Variants in FBLN2 observed in about 807,000 individuals in gnomAD.
FBLN2 encodes fibulin-2.
A neutral mutation model predicts 123.7 loss-of-function variants in FBLN2; 81 were observed. That is an observed-to-expected ratio of 0.65 (90% confidence interval 0.55 to 0.79). The LOEUF is 0.79. Ranked by LOEUF, FBLN2 falls within the 30% of genes least tolerant of loss-of-function variation. The pLI is 0.00. For synonymous variants in FBLN2, 699 were observed against 701.4 expected (o/e 1.00, Z 0.05); for missense variants, 1,603 against 1,681.3 (o/e 0.95, Z 0.81).
At chr3:13,587,694 A>T (rs1035069258) in intron 2 of FBLN2, among the ~76,000 whole-genome samples, 1 of 152,244 alleles carries the variant, frequency 6.6e-6, no homozygotes, top group South Asian at 2.1e-4. Flanking sequence ...GTCTGATAAG[A>T]AACATTTTAC....
intron 1 of FBLN2, among the ~76,000 whole-genome samples, chr3:13,553,467 T>A (rs993382763): frequency 3.9e-5 from 6 of 152,182 alleles, no homozygotes; most frequent in East Asian, 1.9e-4. Context: ...AGGTCCTGCC[T>A]GGCGAGCTGC....
chr3:13,581,840 G>A (rs1704342764), intron 2 of FBLN2, among the ~76,000 whole-genome samples: 1 of 152,150 alleles, frequency 6.6e-6, no homozygotes, highest in Admixed American at 6.5e-5. Context: ...ACCTGTGCCT[G>A]GCCATGGCCT....
intron 4 of FBLN2, among the ~76,000 whole-genome samples, chr3:13,611,060 C>G (rs1198967783): frequency 6.6e-6 from 1 of 152,110 alleles, no homozygotes; most frequent in Non-Finnish European, 1.5e-5. Flanking sequence ...GCACCTGCCA[C>G]TACGCCCAGC....
intron 2 of FBLN2, among the ~76,000 whole-genome samples, chr3:13,574,983 G>A (rs1475021112): frequency 6.6e-6 from 1 of 152,210 alleles, no homozygotes; most frequent in Non-Finnish European, 1.5e-5. Context: ...AAACGAGGGC[G>A]AGGTTGCGTC....
chr3:13,617,362 C>G (rs1009723752), intron 5 of FBLN2, among the ~76,000 whole-genome samples: 2 of 151,964 alleles, frequency 1.3e-5, no homozygotes, highest in African/African-American at 4.8e-5. Context: ...ACCCATCCTT[C>G]CATTCACTCA....
In FBLN2 at chr3:13,597,660, C is replaced by A. The variant is rs140344449; in HGVS notation, c.1307-10402C>A. Among the ~76,000 whole-genome samples, 1,393 of 152,324 alleles carry A rather than the reference C, an allele frequency of 9.1e-3. 19 individuals are homozygous for A. Among genetic ancestry groups the A allele is most frequent in the Non-Finnish European group, 0.014 (984 of 68,030 alleles). ...CTCTCATTTGTGGGCACTTGGAAAC[C>A]ACCTGGAGACCACCAGAATACTCAG... On this transcript the variant is annotated intron_variant, in intron 2 of 17. Coordinates refer to ENST00000404922, the MANE Select transcript of FBLN2 (RefSeq NM_001004019.2).
chr3:13,597,155 C>T (rs1704870908), intron 2 of FBLN2, among the ~76,000 whole-genome samples: 1 of 152,182 alleles, frequency 6.6e-6, no homozygotes, highest in African/African-American at 2.4e-5. Flanking sequence ...TGGTCTTGAA[C>T]TCCTGGCCTC....
rs181666685 is a variant in FBLN2, at chr3:13,596,828, T to G, written c.1307-11234T>G. Among the ~76,000 whole-genome samples the G allele has an allele frequency of 2.3e-3, 347 of 152,280 alleles. 1 individual carries two copies. The highest frequency in any genetic ancestry group is 3.6e-3 in the Non-Finnish European group (246 of 68,020). ...TAGTCTTTATCCTTGTGTATCTGGC[T>G]TGTTTCACTTACCTTGATTTTATTT... On this transcript the variant is annotated intron_variant, in intron 2 of 17. Transcript: ENST00000404922.
chr3:13,571,698 G>T (rs751940364), intron 2 of FBLN2, 37 bp downstream of exon 2: 2 of 1,497,776 alleles, frequency 1.3e-6, no homozygotes, highest in South Asian at 2.7e-5. Flanking sequence ...GGCACTTTGT[G>T]TGGGAAGGGC....
At chr3:13,575,675 C>T (rs1306140258) in intron 2 of FBLN2, among the ~76,000 whole-genome samples, 1 of 152,100 alleles carries the variant, frequency 6.6e-6, no homozygotes, top group Non-Finnish European at 1.5e-5. Flanking sequence ...AGGCCTCGGG[C>T]ATCAAGAGGC....
chr3:13,625,537 A>G (rs762626857), intron 9 of FBLN2, among the ~76,000 whole-genome samples: 3 of 151,782 alleles, frequency 2.0e-5, no homozygotes, highest in Non-Finnish European at 4.4e-5. Flanking sequence ...CAGGGCTCCC[A>G]CCTTCCCCTG....
chr3:13,601,801 G>T (rs1392291470), intron 2 of FBLN2, among the ~76,000 whole-genome samples: 1 of 152,168 alleles, frequency 6.6e-6, no homozygotes, highest in Non-Finnish European at 1.5e-5. Context: ...CTGTGAGAGG[G>T]TTATTTATTT....
intron 2 of FBLN2, among the ~76,000 whole-genome samples, chr3:13,584,009 A>C (rs1032649707): frequency 1.3e-5 from 2 of 152,132 alleles, no homozygotes; most frequent in Non-Finnish European, 2.9e-5. Context: ...GCAGCACTAG[A>C]AGTCTGGGAG....
intron 1 of FBLN2, among the ~76,000 whole-genome samples, chr3:13,565,599 CTA>C (rs1219025797): frequency 6.6e-6 from 1 of 152,220 alleles, no homozygotes; most frequent in African/African-American, 2.4e-5. Context: ...TGTCTCCTGC[CTA>C]TTTTTTAATG....
chr3:13,597,492 C>T (rs924112435), intron 2 of FBLN2, among the ~76,000 whole-genome samples: 9 of 152,176 alleles, frequency 5.9e-5, no homozygotes, highest in Admixed American at 3.3e-4. Context: ...TGTTGAGTCT[C>T]ACATGAAAGG....
chr3:13,614,781 TTATC>T (rs1182077249), intron 5 of FBLN2, among the ~76,000 whole-genome samples: 11 of 150,098 alleles, frequency 7.3e-5, no homozygotes, highest in East Asian at 3.9e-4. Context: ...ATCCGTTTGT[TTATC>T]CATCCATCCA....
At chr3:13,618,724 G>C (rs1229915560) in intron 6 of FBLN2, among the ~76,000 whole-genome samples, 180 bp from the exon 7 acceptor site, 4 of 151,874 alleles carry the variant, frequency 2.6e-5, no homozygotes, top group African/African-American at 9.7e-5. Context: ...CCCAGTAGCT[G>C]AGATTGATCT....
intron 1 of FBLN2, among the ~76,000 whole-genome samples, chr3:13,569,716 G>A (rs1222316236): frequency 1.3e-5 from 2 of 152,144 alleles, no homozygotes; most frequent in South Asian, 2.1e-4. Flanking sequence ...TGTAGGGGGC[G>A]TCTTGTTCTT....
chr3:13,602,524 A>T (rs1379661591), intron 2 of FBLN2, among the ~76,000 whole-genome samples: 2 of 152,224 alleles, frequency 1.3e-5, no homozygotes, highest in African/African-American at 2.4e-5. Flanking sequence ...GAGAATTGAC[A>T]TCTTTAAGGT....
Sources: allele counts gnomAD v4.1 joint callset (sites outside exome capture counted in the v4.1 genomes callset), GRCh38; gene constraint gnomAD v4.1.1; transcripts MANE v1.5; gene names NCBI Gene and HGNC (gene_info 2026-07-23, HGNC 2026-07-21).